Variants in NKAIN2 observed in about 807,000 individuals in gnomAD.
NKAIN2 encodes sodium/potassium-transporting ATPase subunit beta-1-interacting protein 2.
NKAIN2 carries 14 observed loss-of-function variants against 32.6 expected under a neutral mutation model. The observed-to-expected ratio is 0.43, with a 90% CI of 0.28 to 0.67. The LOEUF (loss-of-function observed/expected upper bound fraction) is 0.67. Ranked by LOEUF, NKAIN2 falls within the 30% of genes least tolerant of loss-of-function variation. The probability of loss-of-function intolerance (pLI) is 0.17; values close to 1 mark genes in which losing one functional copy is unlikely to be tolerated. For synonymous variants in NKAIN2, 80 were observed against 87.2 expected, an observed-to-expected ratio of 0.92 and a Z score of 0.46; for missense variants, 198 against 258.3, an observed-to-expected ratio of 0.77 and a Z score of 1.60.
chr6:124,567,781 C>T (rs368588452), intron 3 of NKAIN2, among the ~76,000 whole-genome samples: 1 of 152,180 alleles, frequency 6.6e-6, no homozygotes, highest in Non-Finnish European at 1.5e-5. Flanking sequence ...GCAGTCTTTG[C>T]CGCATATACT....
intron 4 of NKAIN2, among the ~76,000 whole-genome samples, chr6:124,731,866 C>T (rs185099161): frequency 6.6e-6 from 1 of 152,160 alleles, no homozygotes; most frequent in Admixed American, 6.5e-5. Flanking sequence ...TAGGCAGTGT[C>T]TATAAACTAT....
chr6:123,938,158 T>G (rs1328004191), intron 1 of NKAIN2, among the ~76,000 whole-genome samples: 1 of 151,848 alleles, frequency 6.6e-6, no homozygotes, highest in African/African-American at 2.4e-5. Flanking sequence ...TCTAATGCAT[T>G]GCTAAATAAG....
chr6:124,021,298 C>A (rs1361517065), intron 1 of NKAIN2, among the ~76,000 whole-genome samples: 1 of 151,946 alleles, frequency 6.6e-6, no homozygotes, highest in Non-Finnish European at 1.5e-5. Context: ...TATTTTTTTA[C>A]ATAAGAACAC....
At chr6:124,627,137 G>T (rs1474749563) in intron 3 of NKAIN2, among the ~76,000 whole-genome samples, 1 of 152,034 alleles carries the variant, frequency 6.6e-6, no homozygotes, top group Non-Finnish European at 1.5e-5. Flanking sequence ...GGGCATGATG[G>T]TGCGCAGCTG....
At chr6:124,202,648 A>G (rs1240512547) in intron 1 of NKAIN2, among the ~76,000 whole-genome samples, 1 of 151,858 alleles carries the variant, frequency 6.6e-6, no homozygotes, top group East Asian at 1.9e-4. Context: ...AACACCTTTG[A>G]ATGTTAGGAT....
In NKAIN2 at chr6:124,790,913, T is replaced by C. The variant is rs550684652; in HGVS notation, c.475-426T>C. On this transcript the variant is annotated intron_variant, in intron 4 of 6. Coordinates refer to ENST00000368417, the MANE Select transcript of NKAIN2 (RefSeq NM_001040214.3). ...CCATGCAACAAACCACAGAATCACC[T>C]TAATGTCTTCCCTCAAAGCGTTTTT... 9.6e-4 allele frequency among the ~76,000 whole-genome samples: 146 copies of C among 152,212 alleles called. 1 individual carries two copies. Among genetic ancestry groups the C allele is most frequent in the African/African-American group, 3.5e-3 (144 of 41,548 alleles).
chr6:124,591,594 C>A (rs951214939), intron 3 of NKAIN2, among the ~76,000 whole-genome samples: 4 of 152,046 alleles, frequency 2.6e-5, no homozygotes, highest in African/African-American at 7.2e-5. Context: ...TACCTCTCTT[C>A]TGGTATCAAA....
chr6:123,951,504 T>C (rs1777323662), intron 1 of NKAIN2, among the ~76,000 whole-genome samples: 1 of 152,054 alleles, frequency 6.6e-6, no homozygotes, highest in African/African-American at 2.4e-5. Flanking sequence ...TTTATCACTA[T>C]ATAATGACCC....
chr6:124,271,101 TTCTC>T (rs758699870), intron 1 of NKAIN2, among the ~76,000 whole-genome samples: 6 of 152,152 alleles, frequency 3.9e-5, no homozygotes, highest in Non-Finnish European at 1.5e-5. Flanking sequence ...GTTTTTTTCT[TTCTC>T]TCTCTCTCCT....
intron 5 of NKAIN2, among the ~76,000 whole-genome samples, chr6:124,814,644 G>A (rs1045062184): frequency 4.6e-5 from 7 of 152,056 alleles, no homozygotes; most frequent in Non-Finnish European, 7.4e-5. Context: ...GGCCACTCAA[G>A]CTCCATTCGC....
At chr6:124,804,262 C>A (rs988771465) in intron 5 of NKAIN2, among the ~76,000 whole-genome samples, 3 of 152,196 alleles carry the variant, frequency 2.0e-5, no homozygotes, top group African/African-American at 7.2e-5. Context: ...TTCTTAAAAT[C>A]TCACCTAAGG....
At chr6:124,020,258 C>T (rs964483713) in intron 1 of NKAIN2, among the ~76,000 whole-genome samples, 9 of 152,090 alleles carry the variant, frequency 5.9e-5, no homozygotes, top group African/African-American at 2.2e-4. Context: ...AATATTCTTC[C>T]TGCCAAAATT....
At chr6:124,326,192 C>G (rs1797403743) in intron 2 of NKAIN2, among the ~76,000 whole-genome samples, 1 of 140,928 alleles carries the variant, frequency 7.1e-6, no homozygotes, top group South Asian at 2.2e-4. Context: ...CTTTTCTGTT[C>G]TTTCAAAGCT....
intron 3 of NKAIN2, among the ~76,000 whole-genome samples, chr6:124,457,328 A>C (rs1481294437): frequency 1.3e-5 from 2 of 152,012 alleles, no homozygotes; most frequent in Admixed American, 6.6e-5. Flanking sequence ...TGAAGAAAAT[A>C]GAAGTGAAAT....
At chr6:124,121,500 C>T (rs1251893875) in intron 1 of NKAIN2, among the ~76,000 whole-genome samples, 1 of 151,856 alleles carries the variant, frequency 6.6e-6, no homozygotes, top group Non-Finnish European at 1.5e-5. Flanking sequence ...TATAATAATA[C>T]ACATCATTGA....
At chr6:123,967,633 A>G (rs963202438) in intron 1 of NKAIN2, among the ~76,000 whole-genome samples, 4 of 151,910 alleles carry the variant, frequency 2.6e-5, no homozygotes, top group South Asian at 2.1e-4. Context: ...CAGAAGTCCA[A>G]CAAAGCCAAT....
rs189170938 is a variant in NKAIN2, at chr6:124,804,503, G to C, written c.535+13104G>C. On this transcript the variant is annotated intron_variant, in intron 5 of 6. Transcript: ENST00000368417. The stretch of plus-strand genomic sequence containing the variant: ...ACCAAGCTTAAAATATTAAAGATCT[G>C]GGGGAGGAGCCAAGATGGCCGAACA... 1,735 of 919,342 alleles carry C rather than the reference G, an allele frequency of 1.9e-3. 2 individuals carry two copies. The highest frequency in any genetic ancestry group is 2.1e-3 in the Non-Finnish European group (1,643 of 769,484). The allele number at this position is 919,342 out of a possible 1,614,324, so 56.9% of individuals were successfully genotyped here.
At chr6:123,976,992 A>C (rs1211696271) in intron 1 of NKAIN2, among the ~76,000 whole-genome samples, 4 of 152,144 alleles carry the variant, frequency 2.6e-5, no homozygotes, top group African/African-American at 9.7e-5. Flanking sequence ...TTGAACAATC[A>C]AAAAAGAAAT....
chr6:123,859,149 TG>T (rs932525319), intron 1 of NKAIN2, among the ~76,000 whole-genome samples: 2 of 152,154 alleles, frequency 1.3e-5, no homozygotes, highest in African/African-American at 4.8e-5. Flanking sequence ...CTCCTTTTTT[TG>T]GAATGACATA....
Sources: gnomAD v4.1 joint callset for allele counts (sites outside exome capture counted in the v4.1 genomes callset) on GRCh38, gnomAD v4.1.1 for gene constraint, MANE v1.5 for transcripts, NCBI Gene and HGNC (gene_info 2026-07-23, HGNC 2026-07-21) for gene names.